Variants in ATAD2 observed in about 807,000 individuals in gnomAD.
ATAD2 encodes ATPase family AAA domain-containing protein 2.
Under a neutral mutation model 168.9 loss-of-function variants are expected in ATAD2, and 62 were observed. That is an observed-to-expected ratio of 0.37 (90% confidence interval 0.30 to 0.45). The LOEUF (loss-of-function observed/expected upper bound fraction) is 0.45. Among genes scored for constraint, ATAD2 ranks in the 20% least tolerant of loss-of-function variants. The probability of loss-of-function intolerance (pLI) is 1.00; values close to 1 mark genes in which losing one functional copy is unlikely to be tolerated. For synonymous variants in ATAD2, 613 were observed against 571.6 expected (o/e 1.07, Z -1.03); for missense variants, 1,419 against 1,667.8 (o/e 0.85, Z 2.60).
At position 123,361,397 on chromosome 8, in the gene ATAD2, G is replaced by C. The variant is rs909800636; in HGVS notation, c.1157+142C>G. On this transcript the variant is annotated intron_variant, in intron 9 of 27. Transcript: ENST00000287394. ...ATTCAACTGTAGATAATTCTAACAA[G>C]ACAGCATTCTAGTTTATACATTAAC... is the stretch of plus-strand genomic sequence containing the variant. The C allele has an allele frequency of 7.7e-6, 4 of 517,218 alleles. No homozygotes were observed. The Admixed American group carries it at 1.1e-4, about 14-fold the overall frequency. The allele number at this position is 517,218 out of a possible 1,614,324, so 32.0% of individuals were successfully genotyped here.
upstream of ATAD2, among the ~76,000 whole-genome samples, chr8:123,398,325 G>T (rs1217064832): frequency 6.7e-6 from 1 of 149,432 alleles, no homozygotes; most frequent in African/African-American, 2.5e-5. Flanking sequence ...CTGCCTCCCG[G>T]GTTCAAGCGA....
In ATAD2 at chr8:123,359,668, A is replaced by G. The variant is rs765253651; in HGVS notation, c.1175T>C (p.Phe392Ser). Residue 392 changes from phenylalanine (F) to serine (S), a missense_variant, in exon 10 of 28, where the codon TTT becomes TCT. Coordinates refer to ENST00000287394, the MANE Select transcript of ATAD2 (RefSeq NM_014109.4). ...RAINRCLPLN[F>S]RKDELKGIYK... is the part of the protein sequence containing the mutation. Reference sequence around the variant, plus strand: ...AATGCCTTTTAATTCATCTTTCCGAAAATTTAGTGGGAGGCACCTATTTAA... The same window carrying G: ...AATGCCTTTTAATTCATCTTTCCGAGAATTTAGTGGGAGGCACCTATTTAA... 11 of 1,612,556 alleles carry G rather than the reference A, an allele frequency of 6.8e-6. No individual in the cohort carries two copies. In the South Asian group the frequency reaches 1.1e-4, roughly 16 times the overall value.
intron 11 of ATAD2, 81 bp from the exon 12 acceptor site, chr8:123,357,817 A>G: frequency 2.3e-6 from 3 of 1,298,328 alleles, no homozygotes; most frequent in Non-Finnish European, 2.1e-6. Flanking sequence ...CAATTTCATG[A>G]TTCATTTAAT....
intron 26 of ATAD2, among the ~76,000 whole-genome samples, chr8:123,325,138 T>A (rs1403201931): frequency 6.7e-6 from 1 of 148,728 alleles, no homozygotes; most frequent in East Asian, 2.0e-4. Flanking sequence ...GTTTTGCTCT[T>A]GTCATCCAGG....
intron 1 of ATAD2, among the ~76,000 whole-genome samples, chr8:123,388,048 G>C (rs554665327): frequency 1.3e-5 from 2 of 152,184 alleles, no homozygotes; most frequent in African/African-American, 4.8e-5. Context: ...CTTTAAACAT[G>C]AGTTTAAACC....
chr8:123,330,466 G>T (rs1338221056), intron 24 of ATAD2, among the ~76,000 whole-genome samples: 1 of 152,016 alleles, frequency 6.6e-6, no homozygotes, highest in South Asian at 2.1e-4. Flanking sequence ...CTGGTCTCAC[G>T]CCATTCTCCT....
At chr8:123,349,937 G>A (rs1420503802) in intron 13 of ATAD2, among the ~76,000 whole-genome samples, 3 of 150,962 alleles carry the variant, frequency 2.0e-5, no homozygotes, top group Admixed American at 2.0e-4. Flanking sequence ...CCTACTACTT[G>A]GGAAGCTGAG....
At chr8:123,379,190 C>T (rs1054842399) in intron 2 of ATAD2, among the ~76,000 whole-genome samples, 1 of 152,136 alleles carries the variant, frequency 6.6e-6, no homozygotes, top group Non-Finnish European at 1.5e-5. Flanking sequence ...AGCCAAACTA[C>T]CTAATCCATT....
intron 13 of ATAD2, among the ~76,000 whole-genome samples, chr8:123,350,268 C>A (rs1007846332): frequency 1.3e-5 from 2 of 152,100 alleles, no homozygotes; most frequent in African/African-American, 2.4e-5. Flanking sequence ...AATGTCTTCA[C>A]CTGATCACTT....
chr8:123,399,787 G>C (rs1266540249), upstream of ATAD2, among the ~76,000 whole-genome samples: 2 of 152,096 alleles, frequency 1.3e-5, no homozygotes, highest in African/African-American at 4.8e-5. Flanking sequence ...CTGGGAGGCA[G>C]AGGTTGCGGT....
rs777903745 is a variant in ATAD2, at chr8:123,371,881, T to A, written c.371-46A>T. The A allele has an allele frequency of 2.8e-6, 4 of 1,415,570 alleles. No homozygotes were observed. The African/African-American group carries it at 4.4e-5, about 16-fold the overall frequency. 87.7% of individuals were successfully genotyped at this position (1,415,570 alleles called of 1,614,324 possible). A position where few individuals can be genotyped will look rare whatever the true frequency, so the allele number is the denominator to read the frequency against. On this transcript the variant is annotated intron_variant, in intron 3 of 27. Transcript: ENST00000287394. ...AAATAAATAGAAACATTTGAAATAA[T>A]AGTATTTATAAAACAATTCTAAAAT...
At chr8:123,322,157 T>G (rs60554566) in intron 27 of ATAD2, among the ~76,000 whole-genome samples, 4,039 of 152,116 alleles carry the variant, frequency 0.027, 165 homozygotes, top group African/African-American at 0.092. Flanking sequence ...CTGGCTAGTT[T>G]TTGTTGTTTT....
rs186775931 is a variant in ATAD2 at position 123,373,379 on chromosome 8, T to C, written c.321-693A>G. On this transcript the variant is annotated intron_variant, in intron 2 of 27. Transcript: ENST00000287394. Reference sequence around the variant, plus strand: ...TGACATAACTATTTCTTATATTCCATGATACTACAAACAAGACATAACTGT... The same window carrying C: ...TGACATAACTATTTCTTATATTCCACGATACTACAAACAAGACATAACTGT... 9.2e-5 allele frequency among the ~76,000 whole-genome samples: 14 copies of C among 152,148 alleles called. No homozygotes were observed. In the East Asian group the frequency reaches 2.7e-3, roughly 29 times the overall value.
At chr8:123,404,628 G>A (rs1166930604) in intron 1 of ATAD2, among the ~76,000 whole-genome samples, 2 of 150,582 alleles carry the variant, frequency 1.3e-5, no homozygotes, top group East Asian at 1.9e-4. Flanking sequence ...GTGCAGTGGC[G>A]CGATCTTGGC....
chr8:123,333,751 T>C, intron 24 of ATAD2, 127 bp downstream of exon 24: 1 of 1,109,830 alleles, frequency 9.0e-7, no homozygotes, highest in South Asian at 2.1e-5. Context: ...CAAAGTTGTC[T>C]TAATAGTAAC....
At chr8:123,414,682 C>G (rs1365832762) in intron 1 of ATAD2, among the ~76,000 whole-genome samples, 1 of 152,176 alleles carries the variant, frequency 6.6e-6, no homozygotes, top group Admixed American at 6.6e-5. Context: ...TAAGGAAACT[C>G]TATTCAGTAC....
At chr8:123,333,784 T>C (rs1280151698) in intron 24 of ATAD2, 94 bp downstream of exon 24, 1 of 1,337,816 alleles carries the variant, frequency 7.5e-7, no homozygotes, top group Non-Finnish European at 1.0e-6. Flanking sequence ...ATTCACTGCA[T>C]TAACACAAAT....
chr8:123,414,120 A>T (rs974847516), intron 1 of ATAD2, among the ~76,000 whole-genome samples: 1 of 122,116 alleles, frequency 8.2e-6, no homozygotes, highest in Non-Finnish European at 1.8e-5. Context: ...AAAAAAAAAA[A>T]GTATAGGGTA....
chr8:123,392,446 T>C (rs932851226), intron 1 of ATAD2, among the ~76,000 whole-genome samples: 1 of 152,050 alleles, frequency 6.6e-6, no homozygotes, highest in African/African-American at 2.4e-5. Flanking sequence ...CACAGCTTAC[T>C]ATAAGGTGAA....
Sources: gnomAD v4.1 joint callset for allele counts (sites outside exome capture counted in the v4.1 genomes callset) on GRCh38, gnomAD v4.1.1 for gene constraint, MANE v1.5 for transcripts, NCBI Gene and HGNC (gene_info 2026-07-23, HGNC 2026-07-21) for gene names.